The following TPCN2 variants were observed in gnomAD, a reference collection of about 807,000 sequenced individuals.
TPCN2 encodes the protein two pore channel protein 2.
In TPCN2, 92 loss-of-function variants were observed where a neutral mutation model predicts 111.4. The ratio of observed to expected loss-of-function variants is 0.83; its 90% CI spans 0.70 to 0.98. The LOEUF (loss-of-function observed/expected upper bound fraction) is 0.98, where lower values mean the gene tolerates loss of function less well. Ranked by LOEUF, TPCN2 falls within the 50% of genes least tolerant of loss-of-function variation. TPCN2 has a pLI of 0.00. For missense variants in TPCN2, 995 were observed against 980.1 expected (o/e 1.02, Z -0.20); for synonymous variants, 405 against 414.5 (o/e 0.98, Z 0.28).
intron 13 of TPCN2, among the ~76,000 whole-genome samples, chr11:69,074,453 C>G (rs995316231): frequency 6.6e-6 from 1 of 151,892 alleles, no homozygotes; most frequent in Non-Finnish European, 1.5e-5. Context: ...CTTGAAGATA[C>G]GAAATAAATT....
rs766505304 is a variant in TPCN2, at chr11:69,078,517, G to C, written c.1266G>C (p.Leu422=). ...GGCCCGAGTACCAGTCTCCGTTTCT[G>C]CAGAGCGCCCAGTTCCTCTTCGGCC... ...PPRPEYQSPF[L]QSAQFLFGHY... The change falls in exon 14 of 25, where the codon CTG becomes CTC. Residue 422 remains leucine (L), a synonymous_variant. Coordinates refer to ENST00000294309, the MANE Select transcript of TPCN2 (RefSeq NM_139075.4). 1.5e-5 allele frequency: 25 copies of C among 1,614,148 alleles called. No homozygotes were observed. The South Asian group carries it at 2.3e-4, about 15-fold the overall frequency.
intron 17 of TPCN2, 27 bp downstream of exon 17, chr11:69,079,910 G>A (rs573883167): frequency 3.3e-5 from 54 of 1,612,144 alleles, no homozygotes; most frequent in African/African-American, 9.3e-5. Flanking sequence ...AACCGAGGGC[G>A]GCTACAGCAA....
chr11:69,072,171 C>A, intron 11 of TPCN2, 148 bp downstream of exon 11: 2 of 673,328 alleles, frequency 3.0e-6, no homozygotes, highest in East Asian at 5.5e-5. Context: ...CACCATGTCC[C>A]TGGCGCTCTG....
intron 1 of TPCN2, among the ~76,000 whole-genome samples, chr11:69,051,982 G>A (rs937314480): frequency 6.6e-6 from 1 of 152,178 alleles, no homozygotes; most frequent in Non-Finnish European, 1.5e-5. Flanking sequence ...GCTGCGATGT[G>A]CTTCTGAGTG....
At chr11:69,077,498 G>A (rs4930261) in intron 13 of TPCN2, among the ~76,000 whole-genome samples, 137,119 of 152,266 alleles carry the variant, frequency 0.9, 62,601 homozygotes, top group Non-Finnish European at 0.99. Context: ...CGAGGAGGAT[G>A]TCGGGAGCCG....
intron 1 of TPCN2, among the ~76,000 whole-genome samples, chr11:69,050,456 G>A (rs1371344217): frequency 1.3e-5 from 2 of 152,170 alleles, no homozygotes; most frequent in African/African-American, 4.8e-5. Context: ...GCTCACTGCA[G>A]CCTCTACCTC....
intron 5 of TPCN2, among the ~76,000 whole-genome samples, chr11:69,060,028 C>T (rs533829394): frequency 5.3e-5 from 8 of 152,366 alleles, no homozygotes; most frequent in Non-Finnish European, 8.8e-5. Context: ...CTCCTCTCCA[C>T]GATGCCCATG....
intron 5 of TPCN2, among the ~76,000 whole-genome samples, chr11:69,058,066 C>T (rs1320746174): frequency 1.3e-5 from 2 of 152,324 alleles, no homozygotes; most frequent in South Asian, 2.1e-4. Flanking sequence ...AGTCACAAGC[C>T]CCAAGCTCTG....
chr11:69,082,489 G>A (rs547858789), intron 18 of TPCN2, among the ~76,000 whole-genome samples: 20 of 152,414 alleles, frequency 1.3e-4, no homozygotes, highest in Admixed American at 4.6e-4. Context: ...GTGAACTCAT[G>A]TCCGTGTAAG....
intron 6 of TPCN2, among the ~76,000 whole-genome samples, chr11:69,063,277 T>C (rs1197339514): frequency 6.6e-6 from 1 of 151,750 alleles, no homozygotes; most frequent in African/African-American, 2.4e-5. Flanking sequence ...CTCCGATGGG[T>C]CTCCTCTTGT....
At chr11:69,050,096 A>G (rs1451624667) in intron 1 of TPCN2, among the ~76,000 whole-genome samples, 1 of 152,184 alleles carries the variant, frequency 6.6e-6, no homozygotes, top group Admixed American at 6.5e-5. Flanking sequence ...GTGCCCATCC[A>G]TGGAGTAATG....
intron 1 of TPCN2, 134 bp downstream of exon 1, chr11:69,049,240 C>T (rs1861102554): frequency 1.9e-6 from 1 of 524,418 alleles, no homozygotes; most frequent in Non-Finnish European, 2.9e-6. Context: ...GCCCGGGCCG[C>T]GCCGGGTGCC....
At chr11:69,071,799 G>C in intron 10 of TPCN2, 124 bp from the exon 11 acceptor site, 2 of 846,460 alleles carry the variant, frequency 2.4e-6, no homozygotes, top group Non-Finnish European at 3.8e-6. Context: ...AGGCTGTGGG[G>C]AACTGGGCCC....
At chr11:69,056,720 G>A (rs1455526717) in intron 4 of TPCN2, among the ~76,000 whole-genome samples, 1 of 151,968 alleles carries the variant, frequency 6.6e-6, no homozygotes, top group African/African-American at 2.4e-5. Flanking sequence ...TTTTAGTAGA[G>A]ACGGGTTTCA....
intron 5 of TPCN2, among the ~76,000 whole-genome samples, chr11:69,061,891 AC>A (rs1855036846): frequency 6.6e-6 from 1 of 151,920 alleles, no homozygotes; most frequent in Non-Finnish European, 1.5e-5. Context: ...TTCTGTCCTC[AC>A]AGAAGGAAGG....
chr11:69,084,599 G>C (rs1856193248), intron 19 of TPCN2: 1 of 985,298 alleles, frequency 1.0e-6, no homozygotes, highest in Non-Finnish European at 1.2e-6. Context: ...GCGCCGTGCA[G>C]AGTGACAGGA....
At chr11:69,054,859 C>A in intron 3 of TPCN2, 62 bp downstream of exon 3, 1 of 1,540,044 alleles carries the variant, frequency 6.5e-7, no homozygotes, top group Non-Finnish European at 8.9e-7. Context: ...GGGAGGCTGG[C>A]CCCCACCTGG....
rs764799965 is a variant in TPCN2, at chr11:69,070,439, C to T, written c.839C>T (p.Pro280Leu). 2 of 1,612,336 alleles carry T rather than the reference C, an allele frequency of 1.2e-6. No homozygotes were observed. Among genetic ancestry groups the T allele is most frequent in the African/African-American group, 1.3e-5 (1 of 74,970 alleles). ...TTCTTTTTTCTTTTAGTGATGATTC[C>T]TGCGTATTCCAAGAACCGGGCCTAT... ...TTANNPDVMI[P>L]AYSKNRAYAI... is the part of the protein sequence containing the mutation. Residue 280 changes from proline (P) to leucine (L), a missense_variant, in exon 9 of 25, where the codon CCT becomes CTT. Transcript: ENST00000294309.
chr11:69,074,508 A>G (rs1274766543), intron 13 of TPCN2, among the ~76,000 whole-genome samples: 5 of 152,218 alleles, frequency 3.3e-5, no homozygotes, highest in Non-Finnish European at 7.3e-5. Flanking sequence ...TGGTCCTCAG[A>G]TAACAGAAAG....
Sources: gnomAD v4.1 joint callset for allele counts (sites outside exome capture counted in the v4.1 genomes callset) on GRCh38, gnomAD v4.1.1 for gene constraint, MANE v1.5 for transcripts, NCBI Gene and HGNC (gene_info 2026-07-23, HGNC 2026-07-21) for gene names.